Variants in DOCK3 observed in about 807,000 individuals in gnomAD.
The protein encoded by DOCK3 is dedicator of cytokinesis protein 3.
A neutral mutation model predicts 265.6 loss-of-function variants in DOCK3; 60 were observed. The ratio of observed to expected loss-of-function variants is 0.23; its 90% confidence interval spans 0.18 to 0.28. The LOEUF is 0.28. DOCK3 is among the 10% of genes least tolerant of loss of function. The pLI, the probability that DOCK3 is intolerant of heterozygous loss-of-function variation, is 1.00. For synonymous variants in DOCK3, 881 were observed against 938.0 expected (o/e 0.94, Z 1.11); for missense variants, 1,981 against 2,594.3 (o/e 0.76, Z 5.14).
intron 5 of DOCK3, among the ~76,000 whole-genome samples, chr3:50,946,664 G>T (rs1354378068): frequency 6.6e-6 from 1 of 152,186 alleles, no homozygotes; most frequent in Non-Finnish European, 1.5e-5. Flanking sequence ...CTGGCTATAA[G>T]AAATAAGAAG....
At chr3:51,059,521 G>A (rs192489662) in intron 5 of DOCK3, among the ~76,000 whole-genome samples, 108 of 149,338 alleles carry the variant, frequency 7.2e-4, no homozygotes, top group African/African-American at 2.6e-3. Flanking sequence ...CTTTTAATTA[G>A]TTTTCACAGA....
At chr3:51,358,140 C>T (rs1542574) in intron 46 of DOCK3, 63 bp downstream of exon 46, 1,293,040 of 1,540,770 alleles carry the variant, frequency 0.84, 544,693 homozygotes, top group East Asian at 0.94. Context: ...TCCAGACCTA[C>T]GCCACAAACC....
chr3:51,104,161 A>G (rs1186340976), intron 9 of DOCK3, among the ~76,000 whole-genome samples: 1 of 152,172 alleles, frequency 6.6e-6, no homozygotes, highest in Non-Finnish European at 1.5e-5. Flanking sequence ...AGAAGTTTCC[A>G]TGTACAGGGA....
chr3:50,941,870 C>T (rs914654282), intron 5 of DOCK3, among the ~76,000 whole-genome samples: 2 of 151,998 alleles, frequency 1.3e-5, no homozygotes, highest in African/African-American at 4.8e-5. Flanking sequence ...GCAATTAAGA[C>T]AGATTTGTGT....
At chr3:50,745,831 C>T (rs1202724401) in intron 1 of DOCK3, among the ~76,000 whole-genome samples, 1 of 152,180 alleles carries the variant, frequency 6.6e-6, no homozygotes, top group Non-Finnish European at 1.5e-5. Flanking sequence ...GTGTCCAGTT[C>T]GGCTCCAGGG....
chr3:51,217,798 G>T (rs529478910), intron 14 of DOCK3, among the ~76,000 whole-genome samples: 312 of 152,274 alleles, frequency 2.0e-3, no homozygotes, highest in African/African-American at 7.3e-3. Flanking sequence ...AGCCAAAAGA[G>T]TATAACCTGA....
rs1194783165 is a variant in DOCK3, at chr3:50,674,961, C to G, written c.-303C>G. ...GGGGCGAGCCGAGCCGCGGCGGCGCCGGGAGCCGGGCGGCGGAGCTGTGAA... is the reference window on the plus strand; with the variant it reads ...GGGGCGAGCCGAGCCGCGGCGGCGCGGGGAGCCGGGCGGCGGAGCTGTGAA... On this transcript the variant is annotated 5_prime_UTR_variant, in exon 1 of 53. Transcript: ENST00000266037. The surrounding 1 kb of genome is among the most constrained non-coding windows in gnomAD (Gnocchi z 4.3). The G allele has an allele frequency of 1.3e-5, 2 of 148,764 alleles. No homozygotes were observed. The highest frequency in any genetic ancestry group is 2.4e-5 in the African/African-American group (1 of 41,016). The allele number at this position is 148,764 out of a possible 1,614,324, so 9.2% of individuals were successfully genotyped here.
intron 1 of DOCK3, among the ~76,000 whole-genome samples, chr3:50,697,786 A>G (rs1398557992): frequency 2.0e-5 from 3 of 152,026 alleles, no homozygotes; most frequent in African/African-American, 7.3e-5. Context: ...TAATGCTTTT[A>G]AATTTCTTCT....
intron 1 of DOCK3, among the ~76,000 whole-genome samples, chr3:50,707,833 TG>T (rs769818118): frequency 1.6e-4 from 24 of 152,104 alleles, no homozygotes; most frequent in Admixed American, 3.3e-4. Flanking sequence ...CCGATTGGTG[TG>T]CATGGATGCC....
intron 18 of DOCK3, among the ~76,000 whole-genome samples, chr3:51,229,071 C>T (rs1159218947): frequency 6.6e-6 from 1 of 152,182 alleles, no homozygotes; most frequent in Non-Finnish European, 1.5e-5. Context: ...TAGACTCAGT[C>T]TGTGGTGATG....
chr3:51,273,519 T>C (rs73072599), intron 24 of DOCK3, among the ~76,000 whole-genome samples: 3,039 of 152,338 alleles, frequency 0.02, 47 homozygotes, highest in Non-Finnish European at 0.03. Flanking sequence ...ACTGTTTTTT[T>C]CTGTAAGCAG....
At chr3:50,731,216 G>T (rs1209893875) in intron 1 of DOCK3, among the ~76,000 whole-genome samples, 1 of 152,008 alleles carries the variant, frequency 6.6e-6, no homozygotes, top group African/African-American at 2.4e-5. Context: ...ATATAAAAAG[G>T]ATAATACACC....
rs114813991 is a variant in DOCK3 at position 51,362,556 on chromosome 3, C to T, written c.5175C>T (p.Gly1725=). 4.8e-4 allele frequency: 773 copies of T among 1,614,034 alleles called. 7 individuals are homozygous for T. The African/African-American group carries it at 9.0e-3, about 19-fold the overall frequency. ...CGTATCCCAACCCCAGGTACCAAGGCTCAGTCACCAACGTCTCTGTTCTGT... is the reference window on the plus strand; with the variant it reads ...CGTATCCCAACCCCAGGTACCAAGGTTCAGTCACCAACGTCTCTGTTCTGT... ...QLAYPNPRYQ[G]SVTNVSVLSS... Residue 1725 remains glycine (G), a synonymous_variant, in exon 49 of 53, where the codon GGC becomes GGT. Coordinates refer to ENST00000266037, the MANE Select transcript of DOCK3 (RefSeq NM_004947.5).
intron 23 of DOCK3, among the ~76,000 whole-genome samples, chr3:51,269,023 T>A (rs2080346353): frequency 2.6e-5 from 4 of 152,032 alleles, no homozygotes; most frequent in Admixed American, 2.6e-4. Context: ...TTAGATCTGG[T>A]CTCGGCTAAG....
intron 5 of DOCK3, among the ~76,000 whole-genome samples, chr3:51,042,084 A>G (rs1258237196): frequency 6.6e-6 from 1 of 152,220 alleles, no homozygotes; most frequent in African/African-American, 2.4e-5. Context: ...TCATTCTGTG[A>G]GGCCAGCATC....
At chr3:50,997,992 T>C (rs2108664009) in intron 5 of DOCK3, among the ~76,000 whole-genome samples, 1 of 152,316 alleles carries the variant, frequency 6.6e-6, no homozygotes, top group African/African-American at 2.4e-5. Context: ...GGTCTAATTT[T>C]AAAGAATATA....
chr3:51,039,773 C>A (rs1207147000), intron 5 of DOCK3, among the ~76,000 whole-genome samples: 1 of 151,960 alleles, frequency 6.6e-6, no homozygotes, highest in East Asian at 1.9e-4. Context: ...TGCTCTCTAC[C>A]CGCAGTCTAT....
intron 6 of DOCK3, among the ~76,000 whole-genome samples, chr3:51,065,897 A>T (rs1295659761): frequency 6.6e-6 from 1 of 152,252 alleles, no homozygotes; most frequent in Non-Finnish European, 1.5e-5. Context: ...ACCAAGATTA[A>T]CAAAACACCT....
intron 4 of DOCK3, among the ~76,000 whole-genome samples, chr3:50,912,823 T>G (rs1227222325): frequency 1.3e-5 from 2 of 152,130 alleles, no homozygotes; most frequent in Middle Eastern, 3.4e-3. Context: ...AATCTTGCCT[T>G]GCCTGGGACT....
Sources: allele counts gnomAD v4.1 joint callset (sites outside exome capture counted in the v4.1 genomes callset), GRCh38; gene constraint gnomAD v4.1.1; non-coding constraint Gnocchi (gnomAD v3.1); transcripts MANE v1.5; gene names NCBI Gene and HGNC (gene_info 2026-07-23, HGNC 2026-07-21).